The following MGMT variants were observed in gnomAD, a reference collection of about 807,000 sequenced individuals.
MGMT encodes methylated-DNA--protein-cysteine methyltransferase.
A neutral mutation model predicts 15.9 loss-of-function variants in MGMT; 14 were observed. That is an observed-to-expected ratio of 0.88 (90% CI 0.58 to 1.37). The LOEUF is 1.37. MGMT is among the 40% of genes most tolerant of loss of function. The probability of loss-of-function intolerance (pLI) is 0.00; values close to 1 mark genes in which losing one functional copy is unlikely to be tolerated. For missense variants in MGMT, 282 were observed against 268.1 expected (o/e 1.05, Z -0.36); for synonymous variants, 130 against 118.2 (o/e 1.10, Z -0.65).
At chr10:129,650,852 G>A (rs1425927146) in intron 2 of MGMT, among the ~76,000 whole-genome samples, 1 of 152,188 alleles carries the variant, frequency 6.6e-6, no homozygotes, top group Non-Finnish European at 1.5e-5. Flanking sequence ...CTGGGACTAG[G>A]GCAGAGACGG....
chr10:129,567,504 G>T (rs1846370118), intron 2 of MGMT, among the ~76,000 whole-genome samples: 1 of 152,140 alleles, frequency 6.6e-6, no homozygotes. Flanking sequence ...TCAGGAATGG[G>T]ATGATCATGG....
At chr10:129,710,848 A>T (rs1351623576) in intron 3 of MGMT, among the ~76,000 whole-genome samples, 1 of 152,154 alleles carries the variant, frequency 6.6e-6, no homozygotes, top group Non-Finnish European at 1.5e-5. Context: ...TGGAATGAAC[A>T]TTTCCTTGAC....
intron 2 of MGMT, among the ~76,000 whole-genome samples, chr10:129,655,454 G>A (rs1847514705): frequency 6.6e-6 from 1 of 152,170 alleles, no homozygotes; most frequent in Non-Finnish European, 1.5e-5. Flanking sequence ...GCTTCTAGAG[G>A]GCCTCATCCC....
intron 2 of MGMT, among the ~76,000 whole-genome samples, chr10:129,655,085 G>T (rs546793154): frequency 6.6e-6 from 1 of 152,310 alleles, no homozygotes; most frequent in African/African-American, 2.4e-5. Context: ...CTACCGAGGT[G>T]CTCCTGGTTT....
intron 4 of MGMT, among the ~76,000 whole-genome samples, chr10:129,760,231 G>A (rs547662778): frequency 2.6e-5 from 4 of 152,342 alleles, no homozygotes; most frequent in South Asian, 2.1e-4. Context: ...ATGTGCGCCC[G>A]GCCAAGGCCA....
At chr10:129,695,605 G>C (rs900710150) in intron 2 of MGMT, among the ~76,000 whole-genome samples, 5 of 152,232 alleles carry the variant, frequency 3.3e-5, no homozygotes, top group African/African-American at 1.2e-4. Context: ...CATGATGACA[G>C]AGTTAGTCTG....
chr10:129,522,901 C>T (rs990145356), intron 1 of MGMT, among the ~76,000 whole-genome samples: 5 of 152,204 alleles, frequency 3.3e-5, no homozygotes, highest in East Asian at 1.9e-4. Flanking sequence ...TTGATGTTTC[C>T]GTCAGATCTT....
intron 2 of MGMT, among the ~76,000 whole-genome samples, chr10:129,656,582 C>T (rs1040645262): frequency 6.6e-6 from 1 of 152,174 alleles, no homozygotes; most frequent in African/African-American, 2.4e-5. Context: ...GGTCGGGGCA[C>T]CGCTTGGTTT....
rs1848952372 is a variant in MGMT, at chr10:129,767,442, T to C, written c.*445T>C. The C allele has an allele frequency of 6.5e-6, 1 of 154,922 alleles. No individual in the cohort carries two copies. The allele number at this position is 154,922 out of a possible 1,614,324, so 9.6% of individuals were successfully genotyped here. On this transcript the variant is annotated 3_prime_UTR_variant, in exon 5 of 5. Transcript: ENST00000651593. ...CCATGGCTGTGATGGCATTCTCCAC[T>C]CAGCAGTTCCTAGCATCCCACACCC...
intron 2 of MGMT, among the ~76,000 whole-genome samples, chr10:129,542,729 G>C (rs1305508028): frequency 1.3e-5 from 2 of 152,158 alleles, no homozygotes; most frequent in Non-Finnish European, 2.9e-5. Context: ...GCGCTCCTTG[G>C]CTTTATAGAA....
In MGMT at chr10:129,734,471, G is replaced by A. The variant is rs1848537616; in HGVS notation, c.275-24731G>A. Among the ~76,000 whole-genome samples the A allele has an allele frequency of 3.3e-5, 5 of 151,090 alleles. No individual in the cohort carries two copies. In the Admixed American group the frequency reaches 3.3e-4, roughly 10 times the overall value. On this transcript the variant is annotated intron_variant, in intron 3 of 4. Transcript: ENST00000651593. ...TAAGGAGATTTTGGGCTGAGACAGT[G>A]GGGTCTTCTGGATATACAATCATGT...
intron 3 of MGMT, among the ~76,000 whole-genome samples, chr10:129,713,415 A>T (rs907640619): frequency 3.3e-5 from 5 of 152,148 alleles, no homozygotes; most frequent in African/African-American, 1.2e-4. Flanking sequence ...GGAAATCAAG[A>T]TCTGTGGCCT....
At chr10:129,719,240 G>T (rs144357579) in intron 3 of MGMT, among the ~76,000 whole-genome samples, 8 of 152,168 alleles carry the variant, frequency 5.3e-5, no homozygotes, top group Admixed American at 1.3e-4. Context: ...ACTCAGGTAC[G>T]TCACCTTCCC....
chr10:129,612,046 CA>C (rs1846967246), intron 2 of MGMT, among the ~76,000 whole-genome samples: 1 of 152,120 alleles, frequency 6.6e-6, no homozygotes, highest in Non-Finnish European at 1.5e-5. Context: ...CATGAGACAT[CA>C]ATCAAATACA....
chr10:129,468,344 C>T (rs952902107), intron 1 of MGMT, among the ~76,000 whole-genome samples: 8 of 152,204 alleles, frequency 5.3e-5, no homozygotes, highest in Admixed American at 2.6e-4. Flanking sequence ...GCGTCAAGAG[C>T]CTGGCTGATT....
intron 3 of MGMT, among the ~76,000 whole-genome samples, chr10:129,746,307 G>GT (rs939909697): frequency 1.3e-5 from 2 of 148,188 alleles, no homozygotes; most frequent in Admixed American, 1.3e-4. Flanking sequence ...TCACAAACAA[G>GT]TTTTTTTTCC....
Position 129,740,384 on chromosome 10 carries a change from G to A in MGMT, c.275-18818G>A, listed in dbSNP as rs186838293. ...ATGGGAAGAGGCCCCCAGGAAACCAGGGAGAGCAAGAAGGTCTTCTAAGGA... is the reference window on the plus strand; with the variant it reads ...ATGGGAAGAGGCCCCCAGGAAACCAAGGAGAGCAAGAAGGTCTTCTAAGGA... On this transcript the variant is annotated intron_variant, in intron 3 of 4. Transcript: ENST00000651593. 3.6e-3 allele frequency among the ~76,000 whole-genome samples: 553 copies of A among 152,134 alleles called. 8 individuals carry two copies. Among genetic ancestry groups the A allele is most frequent in the African/African-American group, 0.013 (526 of 41,506 alleles).
intron 2 of MGMT, among the ~76,000 whole-genome samples, chr10:129,648,170 T>G (rs779971025): frequency 5.3e-5 from 8 of 152,222 alleles, no homozygotes; most frequent in Admixed American, 2.6e-4. Context: ...TTTTATTTAT[T>G]ACACTTTCCA....
intron 3 of MGMT, among the ~76,000 whole-genome samples, chr10:129,741,049 G>T (rs769584234): frequency 2.6e-5 from 4 of 152,100 alleles, no homozygotes; most frequent in Non-Finnish European, 5.9e-5. Context: ...AGCTTTCCAC[G>T]CTTATTGGCT....
Sources: allele counts gnomAD v4.1 joint callset (sites outside exome capture counted in the v4.1 genomes callset), GRCh38; gene constraint gnomAD v4.1.1; transcripts MANE v1.5; gene names NCBI Gene and HGNC (gene_info 2026-07-23, HGNC 2026-07-21).